Variants in PHACTR1 observed in about 807,000 individuals in gnomAD.
The protein encoded by PHACTR1 is RPEL repeat containing 1.
In PHACTR1, 16 loss-of-function variants were observed where a neutral mutation model predicts 69.2. The ratio of observed to expected loss-of-function variants is 0.23; its 90% CI spans 0.16 to 0.35. The LOEUF is 0.35. PHACTR1 is among the 10% of genes least tolerant of loss of function. The pLI is 1.00. For missense variants in PHACTR1, 510 were observed against 734.7 expected (o/e 0.69, Z 3.54); for synonymous variants, 312 against 284.5 (o/e 1.10, Z -0.97).
chr6:12,952,027 C>T (rs1791361591), intron 4 of PHACTR1, among the ~76,000 whole-genome samples: 2 of 152,124 alleles, frequency 1.3e-5, no homozygotes, highest in Admixed American at 6.5e-5. Flanking sequence ...TGAGCACAGC[C>T]CTGGGCACCC....
chr6:12,855,237 A>G (rs1780233832), intron 4 of PHACTR1, among the ~76,000 whole-genome samples: 3 of 152,374 alleles, frequency 2.0e-5, no homozygotes, highest in South Asian at 2.1e-4. Context: ...GCCATAGCCC[A>G]TGCCTGTAAT....
At chr6:12,770,638 A>G (rs1020565684) in intron 4 of PHACTR1, among the ~76,000 whole-genome samples, 6 of 152,202 alleles carry the variant, frequency 3.9e-5, no homozygotes, top group Non-Finnish European at 5.9e-5. Context: ...GTATTCCTTC[A>G]AAAACGTTTA....
intron 5 of PHACTR1, among the ~76,000 whole-genome samples, chr6:13,111,222 C>A (rs1816987523): frequency 6.6e-6 from 1 of 152,164 alleles, no homozygotes; most frequent in Non-Finnish European, 1.5e-5. Context: ...ATTTTAAACC[C>A]AAAGGGTCAC....
intron 4 of PHACTR1, among the ~76,000 whole-genome samples, chr6:12,774,456 A>G (rs1581689626): frequency 6.6e-6 from 1 of 152,218 alleles, no homozygotes; most frequent in Non-Finnish European, 1.5e-5. Flanking sequence ...CAACGTTGCA[A>G]TCTTGGCTCA....
chr6:12,912,808 G>A (rs952719284), intron 4 of PHACTR1, among the ~76,000 whole-genome samples: 6 of 152,098 alleles, frequency 3.9e-5, no homozygotes, highest in Non-Finnish European at 7.4e-5. Context: ...CAAAAAATTA[G>A]CCAGGTGTGG....
At chr6:12,935,088 T>C (rs1199107406) in intron 4 of PHACTR1, among the ~76,000 whole-genome samples, 2 of 152,134 alleles carry the variant, frequency 1.3e-5, no homozygotes, top group Non-Finnish European at 2.9e-5. Context: ...TAATAGACAC[T>C]GTGGGGGGCC....
chr6:13,262,071 A>C (rs1404194010), intron 10 of PHACTR1, among the ~76,000 whole-genome samples: 1 of 152,188 alleles, frequency 6.6e-6, no homozygotes. Flanking sequence ...GTCCCTTAGA[A>C]AGATCATTCT....
chr6:12,815,514 C>A (rs1413172026), intron 4 of PHACTR1, among the ~76,000 whole-genome samples: 1 of 152,206 alleles, frequency 6.6e-6, no homozygotes, highest in Non-Finnish European at 1.5e-5. Flanking sequence ...CTTACTCTTA[C>A]TTTGTCCTTT....
intron 10 of PHACTR1, among the ~76,000 whole-genome samples, chr6:13,249,126 A>T (rs1340713121): frequency 1.3e-5 from 2 of 151,596 alleles, no homozygotes; most frequent in South Asian, 2.1e-4. Flanking sequence ...GGGTGCCCAA[A>T]CCCCCAGGCT....
chr6:12,978,589 C>G (rs981862933), intron 4 of PHACTR1, among the ~76,000 whole-genome samples: 2 of 152,196 alleles, frequency 1.3e-5, no homozygotes, highest in Non-Finnish European at 2.9e-5. Context: ...CTCCCCGCAC[C>G]CTGTGTCTTA....
At chr6:13,206,878 C>T (rs994729615) in intron 8 of PHACTR1, among the ~76,000 whole-genome samples, 5 of 152,050 alleles carry the variant, frequency 3.3e-5, no homozygotes, top group South Asian at 2.1e-4. Flanking sequence ...CCCATGCAGT[C>T]GTGGGGAGAA....
intron 4 of PHACTR1, among the ~76,000 whole-genome samples, chr6:13,032,998 G>A (rs1249149290): frequency 2.0e-5 from 3 of 152,126 alleles, no homozygotes; most frequent in Non-Finnish European, 4.4e-5. Context: ...ATTAAAAAAA[G>A]TTCTGCCTCT....
intron 5 of PHACTR1, among the ~76,000 whole-genome samples, chr6:13,096,225 A>C (rs1814222422): frequency 6.6e-6 from 1 of 152,204 alleles, no homozygotes; most frequent in Non-Finnish European, 1.5e-5. Flanking sequence ...AGCTAAAGGA[A>C]ATAAATTTGA....
chr6:12,899,622 C>T (rs1784994741), intron 4 of PHACTR1, among the ~76,000 whole-genome samples: 1 of 152,162 alleles, frequency 6.6e-6, no homozygotes, highest in South Asian at 2.1e-4. Context: ...TGTGTGTTTG[C>T]CTGCACCCTC....
At chr6:13,148,998 A>G (rs1462721236) in intron 5 of PHACTR1, among the ~76,000 whole-genome samples, 1 of 152,180 alleles carries the variant, frequency 6.6e-6, no homozygotes, top group Non-Finnish European at 1.5e-5. Context: ...CCAGGTCATC[A>G]TGTCTTCCTA....
Position 13,100,197 on chromosome 6 carries a change from T to G in PHACTR1, c.415+46668T>G, listed in dbSNP as rs548746058. On this transcript the variant is annotated intron_variant, in intron 5 of 14. Transcript: ENST00000332995. ...AATTTATTTAATGTTAAGTTTAGTA[T>G]AAGTTTTGGGGGATAAAGACCCCAA... 4.6e-5 allele frequency among the ~76,000 whole-genome samples: 7 copies of G among 152,346 alleles called. No individual in the cohort carries two copies. The East Asian group carries it at 1.3e-3, about 29-fold the overall frequency.
At chr6:13,231,960 A>G (rs1209369853) in intron 10 of PHACTR1, among the ~76,000 whole-genome samples, 1 of 152,164 alleles carries the variant, frequency 6.6e-6, no homozygotes, top group African/African-American at 2.4e-5. Context: ...TTGAGCCCTT[A>G]CTTTGTACCA....
intron 4 of PHACTR1, among the ~76,000 whole-genome samples, chr6:12,764,149 T>G (rs1457749723): frequency 6.6e-6 from 1 of 152,196 alleles, no homozygotes; most frequent in Non-Finnish European, 1.5e-5. Flanking sequence ...TGAAAACTTT[T>G]CTGCTGCCAA....
At chr6:12,803,737 G>C (rs1316630873) in intron 4 of PHACTR1, among the ~76,000 whole-genome samples, 1 of 152,150 alleles carries the variant, frequency 6.6e-6, no homozygotes, top group Non-Finnish European at 1.5e-5. Flanking sequence ...TGAAGGAGTG[G>C]AGCTGCCTCG....
Sources: allele counts gnomAD v4.1 joint callset (sites outside exome capture counted in the v4.1 genomes callset), GRCh38; gene constraint gnomAD v4.1.1; transcripts MANE v1.5; gene names NCBI Gene and HGNC (gene_info 2026-07-23, HGNC 2026-07-21).